Variants in KLF12 observed in about 807,000 individuals in gnomAD.
KLF12 encodes the protein KLF transcription factor 12, also known as Krueppel-like factor 12.
Under a neutral mutation model 37.8 loss-of-function variants are expected in KLF12, and 9 were observed. That is an observed-to-expected ratio of 0.24 (90% CI 0.14 to 0.42). The LOEUF (loss-of-function observed/expected upper bound fraction) is 0.42. Among genes scored for constraint, KLF12 ranks in the 10% least tolerant of loss-of-function variants. The pLI is 1.00. For missense variants in KLF12, 411 were observed against 516.0 expected (o/e 0.80, Z 1.97); for synonymous variants, 208 against 202.1 (o/e 1.03, Z -0.25).
chr13:74,034,597 A>T (rs960233263), intron 1 of KLF12, among the ~76,000 whole-genome samples: 4 of 152,256 alleles, frequency 2.6e-5, no homozygotes, highest in Non-Finnish European at 4.4e-5. Context: ...CTAGATTTGG[A>T]GTCACCATTC....
the KLF12 span, among the ~76,000 whole-genome samples, chr13:74,206,328 G>C: frequency 2.0e-5 from 3 of 152,090 alleles, no homozygotes; most frequent in Non-Finnish European, 2.9e-5. Context: ...GGTTGAATTT[G>C]TTATAAAAAC....
chr13:73,928,020 G>A (rs184741585), intron 3 of KLF12, among the ~76,000 whole-genome samples: 155 of 151,982 alleles, frequency 1.0e-3, no homozygotes, highest in African/African-American at 3.6e-3. Context: ...ACCACACCCA[G>A]CTAATTTTTG....
At chr13:73,887,922 T>C (rs959949631) in intron 3 of KLF12, among the ~76,000 whole-genome samples, 1 of 152,232 alleles carries the variant, frequency 6.6e-6, no homozygotes, top group African/African-American at 2.4e-5. Flanking sequence ...AATAATATGA[T>C]GCTCTTTTGT....
the KLF12 span, among the ~76,000 whole-genome samples, chr13:74,189,244 G>A: frequency 6.6e-6 from 1 of 152,040 alleles, no homozygotes; most frequent in Non-Finnish European, 1.5e-5. Context: ...GTACATAGAG[G>A]AATTATAGAC....
intron 6 of KLF12, among the ~76,000 whole-genome samples, chr13:73,745,655 C>T (rs552107650): frequency 3.0e-4 from 46 of 152,120 alleles, no homozygotes; most frequent in Non-Finnish European, 5.9e-4. Context: ...TAACACTTGT[C>T]ATTGTTCTGC....
the KLF12 span, among the ~76,000 whole-genome samples, chr13:74,172,382 A>G: frequency 6.6e-6 from 1 of 152,204 alleles, no homozygotes; most frequent in Non-Finnish European, 1.5e-5. Context: ...AACACTAATA[A>G]AAATATATTA....
the KLF12 span, among the ~76,000 whole-genome samples, chr13:74,198,154 A>T: frequency 1.3e-5 from 2 of 152,104 alleles, no homozygotes; most frequent in Non-Finnish European, 2.9e-5. Flanking sequence ...AGAGAAAGCA[A>T]GAGGAGAGAG....
rs371109990 is a variant in KLF12, at chr13:73,914,416, C to T, written c.123+29565G>A. Among the ~76,000 whole-genome samples, 27 of 152,342 alleles carry T rather than the reference C, an allele frequency of 1.8e-4. No individual in the cohort carries two copies. In the East Asian group the frequency reaches 3.9e-3, roughly 22 times the overall value. ...CACCAAAGTGAGGCATTTTCACTAA[C>T]TCCTACCTTGACTGTTCTGAGAATA... On this transcript the variant is annotated intron_variant, in intron 3 of 7. Transcript: ENST00000377669.
the KLF12 span, among the ~76,000 whole-genome samples, chr13:74,244,378 G>A: frequency 6.6e-6 from 1 of 152,150 alleles, no homozygotes; most frequent in African/African-American, 2.4e-5. Flanking sequence ...AACATGAGCT[G>A]GCTCCAATAA....
At chr13:74,262,373 C>G in the KLF12 span, among the ~76,000 whole-genome samples, 1 of 152,052 alleles carries the variant, frequency 6.6e-6, no homozygotes, top group Non-Finnish European at 1.5e-5. Flanking sequence ...AGCACAAGAG[C>G]GATTGTAAAT....
At chr13:74,006,533 A>T (rs1892413715) in intron 1 of KLF12, among the ~76,000 whole-genome samples, 1 of 152,196 alleles carries the variant, frequency 6.6e-6, no homozygotes, top group South Asian at 2.1e-4. Context: ...ATCTTATTGT[A>T]CGTCTGGAAT....
rs201534246 is a variant in KLF12 at position 73,839,255 on chromosome 13, G to GT, written c.670+6571dup. Among the ~76,000 whole-genome samples, 25 of 92,526 alleles carry GT rather than the reference G, an allele frequency of 2.7e-4. 1 individual carries two copies. The highest frequency in any genetic ancestry group is 4.5e-4 in the Non-Finnish European group (18 of 39,978). The allele number at this position is 92,526 out of a possible 152,430, so 60.7% of individuals were successfully genotyped here. On this transcript the variant is annotated intron_variant, in intron 4 of 7. Transcript: ENST00000377669. ...CCACAGGTGCTTACCACCATACCTG[G>GT]TTATTTTTTTTTTTTTTTTGTATTT...
intron 3 of KLF12, among the ~76,000 whole-genome samples, chr13:73,865,908 T>G (rs1474307648): frequency 6.6e-6 from 1 of 151,996 alleles, no homozygotes; most frequent in Non-Finnish European, 1.5e-5. Flanking sequence ...AACTGAAAAA[T>G]GAATGAGCAA....
chr13:73,760,731 T>C (rs988018697), intron 6 of KLF12, among the ~76,000 whole-genome samples: 1 of 152,178 alleles, frequency 6.6e-6, no homozygotes. Context: ...CCCTTGATAC[T>C]GGTTTTAGGT....
chr13:73,759,362 TAATTAA>T (rs368145489), intron 6 of KLF12, among the ~76,000 whole-genome samples: 1 of 152,320 alleles, frequency 6.6e-6, no homozygotes, highest in African/African-American at 2.4e-5. Flanking sequence ...AATACTCTAG[TAATTAA>T]AATTAAAAAA....
At chr13:74,021,489 G>C (rs924454512) in intron 1 of KLF12, among the ~76,000 whole-genome samples, 2 of 152,096 alleles carry the variant, frequency 1.3e-5, no homozygotes, top group African/African-American at 4.8e-5. Flanking sequence ...GCTGTGGAAG[G>C]GGGAACAGGG....
Position 73,813,301 on chromosome 13 carries a change from G to C in KLF12, c.671-14C>G. On this transcript the variant is annotated splice_polypyrimidine_tract_variant and intron_variant, in intron 4 of 7. Transcript: ENST00000377669. ...GGTCCATTTGTGCTGGAGAGAAAAG[G>C]CATATATAATGAATTAAAATCAGTG... The C allele has an allele frequency of 6.2e-7, 1 of 1,613,578 alleles. No homozygotes were observed. Among genetic ancestry groups the C allele is most frequent in the Non-Finnish European group, 8.5e-7 (1 of 1,179,686 alleles).
intron 1 of KLF12, among the ~76,000 whole-genome samples, chr13:74,078,083 G>A (rs541345521): frequency 6.6e-6 from 1 of 152,214 alleles, no homozygotes; most frequent in South Asian, 2.1e-4. Context: ...TTTGTTTAGT[G>A]GCTTTCTGAC....
chr13:73,983,067 T>C (rs578001715), intron 2 of KLF12, among the ~76,000 whole-genome samples: 1 of 152,130 alleles, frequency 6.6e-6, no homozygotes, highest in Admixed American at 6.5e-5. Context: ...ATTGAAAAGA[T>C]CTCTATAAGG....
Sources: allele counts gnomAD v4.1 joint callset (sites outside exome capture counted in the v4.1 genomes callset), GRCh38; gene constraint gnomAD v4.1.1; transcripts MANE v1.5; gene names NCBI Gene and HGNC (gene_info 2026-07-23, HGNC 2026-07-21).